The following OR1J2 variants were observed in gnomAD, a reference collection of about 807,000 sequenced individuals.
OR1J2 encodes the protein olfactory receptor 1J2.
For missense variants in OR1J2, 304 were observed against 246.1 expected, an observed-to-expected ratio of 1.24 and a Z score of -1.57; for synonymous variants, 142 against 99.7, an observed-to-expected ratio of 1.42 and a Z score of -2.52.
chr9:122,531,366 A>G, the OR1J2 span, among the ~76,000 whole-genome samples: 214 of 152,338 alleles, frequency 1.4e-3, no homozygotes, highest in African/African-American at 4.9e-3. Context: ...GAAACAGTGT[A>G]AACTGGCAGT....
chr9:122,523,133 G>A, the OR1J2 span, among the ~76,000 whole-genome samples: 29 of 152,316 alleles, frequency 1.9e-4, no homozygotes, highest in Middle Eastern at 3.4e-3. Flanking sequence ...TCTTCAGTTG[G>A]GGGTTGAAGG....
At chr9:122,551,931 T>G in the OR1J2 span, among the ~76,000 whole-genome samples, 2 of 151,748 alleles carry the variant, frequency 1.3e-5, no homozygotes, top group Admixed American at 1.3e-4. Context: ...GTCTCAGAGT[T>G]TTTTATTATG....
chr9:122,557,731 T>C, the OR1J2 span, among the ~76,000 whole-genome samples: 1 of 152,066 alleles, frequency 6.6e-6, no homozygotes, highest in African/African-American at 2.4e-5. Context: ...TAGAATGAGC[T>C]AAAAGTTCTT....
the OR1J2 span, among the ~76,000 whole-genome samples, chr9:122,468,106 C>T: frequency 6.6e-6 from 1 of 152,194 alleles, no homozygotes; most frequent in Non-Finnish European, 1.5e-5. Context: ...ATGTAGATGA[C>T]TTCCTTCTTT....
At chr9:122,576,217 T>TTTTAC in the OR1J2 span, among the ~76,000 whole-genome samples, 1 of 151,224 alleles carries the variant, frequency 6.6e-6, no homozygotes, top group Non-Finnish European at 1.5e-5. Flanking sequence ...ACATTTTCTT[T>TTTTAC]TTTACATTTT....
the OR1J2 span, among the ~76,000 whole-genome samples, chr9:122,504,320 A>G: frequency 6.6e-6 from 1 of 152,136 alleles, no homozygotes; most frequent in East Asian, 1.9e-4. Flanking sequence ...GCCACTATCT[A>G]CCATGGATAC....
chr9:122,448,700 T>A, the OR1J2 span, among the ~76,000 whole-genome samples: 1 of 152,194 alleles, frequency 6.6e-6, no homozygotes, highest in African/African-American at 2.4e-5. Context: ...GCATACTGCC[T>A]GTAAACATAC....
chr9:122,525,431 G>T, the OR1J2 span, among the ~76,000 whole-genome samples: 7 of 152,158 alleles, frequency 4.6e-5, no homozygotes, highest in Admixed American at 4.6e-4. Flanking sequence ...CCAGATGTAA[G>T]AAATCAAAAC....
the OR1J2 span, among the ~76,000 whole-genome samples, chr9:122,458,190 G>A: frequency 3.3e-4 from 50 of 152,128 alleles, no homozygotes; most frequent in Non-Finnish European, 1.9e-4. Context: ...TGTAGTTACA[G>A]TTTTTATTCT....
the OR1J2 span, among the ~76,000 whole-genome samples, chr9:122,533,529 G>A: frequency 6.6e-6 from 1 of 152,100 alleles, no homozygotes; most frequent in Admixed American, 6.5e-5. Context: ...GCTTTGAACT[G>A]GGGGAGAAGG....
At chr9:122,529,201 C>T in the OR1J2 span, among the ~76,000 whole-genome samples, 2 of 152,206 alleles carry the variant, frequency 1.3e-5, no homozygotes, top group African/African-American at 4.8e-5. Context: ...CTTGATAAGG[C>T]ACCCTCTGAC....
chr9:122,520,999 A>C, the OR1J2 span, among the ~76,000 whole-genome samples: 1 of 152,250 alleles, frequency 6.6e-6, no homozygotes, highest in Non-Finnish European at 1.5e-5. Flanking sequence ...CTGCAAGAGA[A>C]GAATATTTGG....
chr9:122,554,142 G>A, the OR1J2 span: 1 of 1,610,760 alleles, frequency 6.2e-7, no homozygotes, highest in African/African-American at 1.3e-5. Flanking sequence ...TTTTGTCAGT[G>A]GAAAAACATT....
At chr9:122,459,838 T>G in the OR1J2 span, among the ~76,000 whole-genome samples, 3 of 152,122 alleles carry the variant, frequency 2.0e-5, no homozygotes, top group African/African-American at 7.2e-5. Flanking sequence ...CTTTGCTCCC[T>G]TCCACCCCTC....
chr9:122,544,415 C>CTTTTTTTTTTTTTTTTTTTTTTT, the OR1J2 span, among the ~76,000 whole-genome samples: 1 of 85,356 alleles, frequency 1.2e-5, no homozygotes, highest in Non-Finnish European at 2.2e-5. Flanking sequence ...CCTCTTTTTT[C>CTTTTTTTTTTTTTTTTTTTTTTT]TTTTTTTTTT....
chr9:122,568,364 G>A, the OR1J2 span: 1 of 1,613,852 alleles, frequency 6.2e-7, no homozygotes, highest in East Asian at 2.2e-5. Flanking sequence ...CTGTTATGGT[G>A]ACCAGGTACA....
chr9:122,513,705 C>G (rs1256935625), downstream of OR1J2, among the ~76,000 whole-genome samples: 2 of 152,038 alleles, frequency 1.3e-5, no homozygotes, highest in African/African-American at 2.4e-5. Context: ...TCCCCACCCC[C>G]CGACAGGCCC....
At chr9:122,479,803 A>G in the OR1J2 span, among the ~76,000 whole-genome samples, 1 of 152,226 alleles carries the variant, frequency 6.6e-6, no homozygotes, top group Admixed American at 6.5e-5. Context: ...AGAATCTATC[A>G]TAACCAACTA....
At chr9:122,496,057 G>C in the OR1J2 span, among the ~76,000 whole-genome samples, 2 of 152,166 alleles carry the variant, frequency 1.3e-5, no homozygotes, top group Non-Finnish European at 2.9e-5. Flanking sequence ...GTCTTGCAAC[G>C]TGGGTACCAG....
Sources: gnomAD v4.1 joint callset for allele counts (sites outside exome capture counted in the v4.1 genomes callset) on GRCh38, gnomAD v4.1.1 for gene constraint, MANE v1.5 for transcripts, NCBI Gene and HGNC (gene_info 2026-07-23, HGNC 2026-07-21) for gene names.